The following ARVCF variants were observed in gnomAD, a reference collection of about 807,000 sequenced individuals.
ARVCF encodes the protein splicing regulator ARVCF.
ARVCF carries 66 observed loss-of-function variants against 90.9 expected under a neutral mutation model. That is an observed-to-expected ratio of 0.73 (90% CI 0.60 to 0.89). The LOEUF is 0.89. ARVCF is among the 40% of genes least tolerant of loss of function. The pLI is 0.00. For missense variants in ARVCF, 1,469 were observed against 1,382.3 expected, an observed-to-expected ratio of 1.06 and a Z score of -1.00; for synonymous variants, 653 against 603.4, an observed-to-expected ratio of 1.08 and a Z score of -1.21.
Position 19,979,200 on chromosome 22 carries a change from GAAGT to G in ARVCF, c.1397-124_1397-121del, listed in dbSNP as rs1170052263. On this transcript the variant is annotated intron_variant, in intron 6 of 19. Coordinates refer to ENST00000263207, the MANE Select transcript of ARVCF (RefSeq NM_001670.3). The stretch of plus-strand genomic sequence containing the variant: ...TGTCCCAGCTCATGCAGAACAGTAG[GAAGT>G]AACAAAAGCCGTGAGTGGTTCCGGG... 4 of 1,147,838 alleles carry G rather than the reference GAAGT, an allele frequency of 3.5e-6. No individual in the cohort carries two copies. In the African/African-American group the frequency reaches 6.2e-5, roughly 18 times the overall value. The allele number at this position is 1,147,838 out of a possible 1,614,324, so 71.1% of individuals were successfully genotyped here. A position where few individuals can be genotyped will look rare whatever the true frequency, so the allele number is the denominator to read the frequency against.
In ARVCF at chr22:19,970,871, G is replaced by A; in HGVS notation, c.*13-128C>T. Reference sequence around the variant, plus strand: ...AGATGTGGATAGAAGCATCTGCCCTGGGTGGTGTGGGCTGACCCCAAGGGT... The same window carrying A: ...AGATGTGGATAGAAGCATCTGCCCTAGGTGGTGTGGGCTGACCCCAAGGGT... On this transcript the variant is annotated intron_variant, in intron 19 of 19. Coordinates refer to ENST00000263207, the MANE Select transcript of ARVCF (RefSeq NM_001670.3). 3 of 1,191,774 alleles carry A rather than the reference G, an allele frequency of 2.5e-6. No homozygotes were observed. The South Asian group carries it at 4.1e-5, about 16-fold the overall frequency. The allele number at this position is 1,191,774 out of a possible 1,614,324, so 73.8% of individuals were successfully genotyped here.
At chr22:19,968,497 T>G (rs371134244), downstream of ARVCF, 10 of 1,598,086 alleles carry the variant, frequency 6.3e-6, no homozygotes, top group African/African-American at 1.3e-4. Context: ...TCTGGGCACC[T>G]CTGACCCTCA....
chr22:19,971,621 C>T (rs144985800), intron 18 of ARVCF, among the ~76,000 whole-genome samples: 2 of 152,310 alleles, frequency 1.3e-5, no homozygotes, highest in East Asian at 1.9e-4. Context: ...CACGCACATG[C>T]ACAGAAGGGT....
intron 9 of ARVCF, among the ~76,000 whole-genome samples, chr22:19,976,930 G>A (rs990976496): frequency 6.6e-6 from 1 of 152,176 alleles, no homozygotes; most frequent in African/African-American, 2.4e-5. Flanking sequence ...AGTGGGGCAG[G>A]GGCAGGTGGC....
chr22:19,990,882 C>T (rs1601636257), intron 2 of ARVCF, 70 bp from the exon 3 acceptor site: 4 of 1,450,392 alleles, frequency 2.8e-6, no homozygotes, highest in African/African-American at 2.8e-5. Flanking sequence ...GGCCCCTGCC[C>T]GCCCCACTCA....
chr22:20,002,247 G>C (rs891110729), intron 2 of ARVCF, among the ~76,000 whole-genome samples: 5 of 152,306 alleles, frequency 3.3e-5, no homozygotes, highest in Admixed American at 6.5e-5. Flanking sequence ...TCCTAAATGC[G>C]CTGTGTCCAC....
chr22:20,009,370 C>T (rs1444868387), intron 2 of ARVCF, among the ~76,000 whole-genome samples: 1 of 152,210 alleles, frequency 6.6e-6, no homozygotes, highest in Non-Finnish European at 1.5e-5. Flanking sequence ...TCATCCTGTC[C>T]CTCCCATCTG....
Position 19,974,168 on chromosome 22 carries a change from T to TG in ARVCF, c.2031dup (p.Asn678GlnfsTer44). On this transcript the variant is annotated frameshift_variant, in exon 12 of 20. Transcript: ENST00000263207. LOFTEE classifies it high-confidence loss of function. ...GCGCCGGCGGCAGCCTCCAGGGTGT[T>TG]GAAGTTCCGGCTCTCCGTGAGGAGG... 1 of 1,612,978 alleles carries TG rather than the reference T, an allele frequency of 6.2e-7. No individual in the cohort carries two copies. Among genetic ancestry groups the TG allele is most frequent in the Non-Finnish European group, 8.5e-7 (1 of 1,179,820 alleles).
intron 1 of ARVCF, among the ~76,000 whole-genome samples, chr22:20,011,741 C>T (rs1261638394): frequency 6.6e-6 from 1 of 152,210 alleles, no homozygotes; most frequent in Non-Finnish European, 1.5e-5. Context: ...AGATGCTGCT[C>T]CTACTCCAAG....
chr22:20,004,036 A>T (rs912356543), intron 2 of ARVCF, among the ~76,000 whole-genome samples: 1 of 152,220 alleles, frequency 6.6e-6, no homozygotes, highest in Non-Finnish European at 1.5e-5. Flanking sequence ...GCAGGATAAA[A>T]AATGAATACC....
intron 2 of ARVCF, among the ~76,000 whole-genome samples, chr22:20,004,920 C>A (rs1198376266): frequency 6.6e-6 from 1 of 152,108 alleles, no homozygotes; most frequent in Non-Finnish European, 1.5e-5. Context: ...AACATAAGAC[C>A]TCAAACTATA....
At position 19,981,237 on chromosome 22, in the gene ARVCF, A is replaced by G. The variant is rs1306766098; in HGVS notation, c.870T>C (p.Pro290=). 1 of 1,553,452 alleles carries G rather than the reference A, an allele frequency of 6.4e-7. No individual in the cohort carries two copies. The highest frequency in any genetic ancestry group is 1.7e-4 in the Middle Eastern group (1 of 5,934). ...TGGTATGAAGGCCCCGCCCACACTCAGGCCTCCTCCTTGTGGCCGTGCCAT... is the reference window on the plus strand; with the variant it reads ...TGGTATGAAGGCCCCGCCCACACTCGGGCCTCCTCCTTGTGGCCGTGCCAT... ...PDYGTATRRR[P]ECGRGLHTRA... Residue 290 remains proline, a synonymous_variant, in exon 5 of 20, where the codon CCT becomes CCC. Coordinates refer to ENST00000263207, the MANE Select transcript of ARVCF (RefSeq NM_001670.3).
At chr22:20,012,083 C>CA (rs1192761611) in intron 1 of ARVCF, among the ~76,000 whole-genome samples, 1 of 132,734 alleles carries the variant, frequency 7.5e-6, no homozygotes. Context: ...CCAAAGTCCC[C>CA]CCCCCCCACC....
At chr22:19,970,858 A>C in intron 19 of ARVCF, 115 bp from the exon 20 acceptor site, 1 of 1,232,956 alleles carries the variant, frequency 8.1e-7, no homozygotes, top group Non-Finnish European at 1.1e-6. Context: ...ATGTGGATAG[A>C]AGCATCTGCC....
intron 1 of ARVCF, among the ~76,000 whole-genome samples, chr22:20,012,090 C>CCCA (rs1555954491): frequency 2.1e-5 from 3 of 146,246 alleles, no homozygotes; most frequent in African/African-American, 7.5e-5. Flanking sequence ...CCCCCCCCCC[C>CCCA]ACCCAGTTGG....
intron 3 of ARVCF, among the ~76,000 whole-genome samples, chr22:19,984,251 G>A (rs1025297038): frequency 1.1e-4 from 17 of 152,168 alleles, no homozygotes; most frequent in Non-Finnish European, 2.4e-4. Context: ...GAGAGGAAAA[G>A]GGGAGGACAT....
In ARVCF at chr22:19,981,743, G is replaced by A. The variant is rs781024530; in HGVS notation, c.370-6C>T. 2 of 1,559,302 alleles carry A rather than the reference G, an allele frequency of 1.3e-6. No individual in the cohort carries two copies. Among genetic ancestry groups the A allele is most frequent in the Non-Finnish European group, 8.7e-7 (1 of 1,150,266 alleles). On this transcript the variant is annotated splice_polypyrimidine_tract_variant and splice_region_variant and intron_variant, in intron 4 of 19. Transcript: ENST00000263207. ...GTCTTGACAGTCTTGGTGACCTGGT[G>A]GATGGATAGGCAGGTAGGTGGGGTA...
chr22:19,967,411 A>G (rs1428310921), downstream of ARVCF: 2 of 472,026 alleles, frequency 4.2e-6, no homozygotes, highest in Non-Finnish European at 8.7e-6. Context: ...TTTTTTCTAA[A>G]TGAAAACACA....
rs201953107 is a variant in ARVCF at position 19,972,911 on chromosome 22, C to A, written c.2550+14G>T. 2.3e-5 allele frequency: 37 copies of A among 1,613,808 alleles called. No homozygotes were observed. In the African/African-American group the frequency reaches 4.5e-4, roughly 20 times the overall value. On this transcript the variant is annotated intron_variant, in intron 15 of 19. Coordinates refer to ENST00000263207, the MANE Select transcript of ARVCF (RefSeq NM_001670.3). ...AGTGAGCAGGGAATGGAAGGAAGGC[C>A]AGGGAAGCCGCACCTGGAAGCGCGC...
Sources: gnomAD v4.1 joint callset for allele counts (sites outside exome capture counted in the v4.1 genomes callset) on GRCh38, gnomAD v4.1.1 for gene constraint, MANE v1.5 for transcripts, NCBI Gene and HGNC (gene_info 2026-07-23, HGNC 2026-07-21) for gene names.